Variants in FTO observed in about 807,000 individuals in gnomAD.
The protein encoded by FTO is alpha-ketoglutarate-dependent dioxygenase FTO.
FTO carries 47 observed loss-of-function variants against 63.9 expected under a neutral mutation model. That is an observed-to-expected ratio of 0.74 (90% CI 0.58 to 0.94). The LOEUF is 0.94. Ranked by LOEUF, FTO falls within the 40% of genes least tolerant of loss-of-function variation. The probability of loss-of-function intolerance (pLI) is 0.00; values close to 1 mark genes in which losing one functional copy is unlikely to be tolerated. For missense variants in FTO, 562 were observed against 618.1 expected (o/e 0.91, Z 0.96); for synonymous variants, 207 against 224.4 (o/e 0.92, Z 0.69).
intron 1 of FTO, among the ~76,000 whole-genome samples, chr16:53,766,510 TCTGCC>T (rs2077207211): frequency 6.6e-6 from 1 of 152,150 alleles, no homozygotes; most frequent in African/African-American, 2.4e-5. Flanking sequence ...GGTGTGAGCC[TCTGCC>T]CTGGCCTGAG....
intron 8 of FTO, among the ~76,000 whole-genome samples, chr16:53,945,602 G>C: frequency 6.6e-6 from 1 of 152,134 alleles, no homozygotes; most frequent in Non-Finnish European, 1.5e-5. Context: ...CTTTTTAGTT[G>C]TGGGTGCATC....
At chr16:53,971,970 C>A (rs1006323069) in intron 8 of FTO, among the ~76,000 whole-genome samples, 8 of 152,236 alleles carry the variant, frequency 5.3e-5, no homozygotes, top group African/African-American at 1.9e-4. Flanking sequence ...TTGCCTCCCC[C>A]CTTCCCTCCT....
At chr16:53,871,791 A>G (rs147318827) in intron 4 of FTO, among the ~76,000 whole-genome samples, 2,054 of 151,882 alleles carry the variant, frequency 0.014, 35 homozygotes, top group South Asian at 0.058. Flanking sequence ...CAATGGCGCA[A>G]TCTCGGCTCA....
intron 7 of FTO, among the ~76,000 whole-genome samples, chr16:53,925,838 T>C (rs1021689069): frequency 6.6e-6 from 1 of 152,326 alleles, no homozygotes; most frequent in South Asian, 2.1e-4. Flanking sequence ...TGAGTTTTAA[T>C]TGAATCCGTT....
intron 1 of FTO, among the ~76,000 whole-genome samples, chr16:53,780,303 A>C (rs1376467715): frequency 6.7e-6 from 1 of 150,278 alleles, no homozygotes; most frequent in Non-Finnish European, 1.5e-5. Flanking sequence ...TGCTTGGGAC[A>C]CTCTCTCCCC....
At chr16:53,867,583 T>C (rs557483466) in intron 4 of FTO, among the ~76,000 whole-genome samples, 15 of 151,944 alleles carry the variant, frequency 9.9e-5, no homozygotes, top group African/African-American at 2.9e-4. Context: ...AACATTCTCT[T>C]AAATTTGGTA....
chr16:53,960,248 C>T (rs2083039620), intron 8 of FTO, among the ~76,000 whole-genome samples: 1 of 152,090 alleles, frequency 6.6e-6, no homozygotes, highest in African/African-American at 2.4e-5. Context: ...TGAATCACAC[C>T]CTGCCAGGGG....
intron 8 of FTO, among the ~76,000 whole-genome samples, chr16:54,000,561 A>G (rs1275174792): frequency 6.6e-6 from 1 of 152,116 alleles, no homozygotes; most frequent in East Asian, 1.9e-4. Flanking sequence ...AAAGAGAGTA[A>G]CTCTGTTGTA....
At chr16:53,746,741 T>G (rs1465919637) in intron 1 of FTO, among the ~76,000 whole-genome samples, 1 of 152,186 alleles carries the variant, frequency 6.6e-6, no homozygotes, top group Non-Finnish European at 1.5e-5. Context: ...ATATATAATA[T>G]GTTATTATTT....
At chr16:53,937,904 T>C (rs1348060274) in intron 8 of FTO, 2 of 152,236 alleles carry the variant, frequency 1.3e-5, no homozygotes, top group African/African-American at 4.8e-5. Flanking sequence ...CCTTGTTTAT[T>C]TTCTACAAAG....
At chr16:53,923,475 C>A (rs2082056722) in intron 7 of FTO, among the ~76,000 whole-genome samples, 2 of 152,126 alleles carry the variant, frequency 1.3e-5, no homozygotes, top group Admixed American at 1.3e-4. Flanking sequence ...ATGTCTTTGG[C>A]AATTAATCAT....
intron 8 of FTO, chr16:53,937,336 C>T (rs2082413148): frequency 2.5e-6 from 1 of 398,382 alleles, no homozygotes; most frequent in African/African-American, 2.1e-5. Context: ...TGAAGATTCG[C>T]CTTTGTTTAT....
intron 1 of FTO, among the ~76,000 whole-genome samples, chr16:53,761,404 T>C (rs954833753): frequency 2.6e-5 from 4 of 152,144 alleles, no homozygotes; most frequent in Non-Finnish European, 5.9e-5. Context: ...ACCCAGTATA[T>C]TGTTTTAATT....
At chr16:54,073,143 G>A (rs1326582721) in intron 8 of FTO, among the ~76,000 whole-genome samples, 2 of 151,944 alleles carry the variant, frequency 1.3e-5, no homozygotes, top group African/African-American at 4.8e-5. Context: ...CCTCTCCTAC[G>A]TGTCCTGTTG....
chr16:53,913,741 G>A (rs2081778477), intron 7 of FTO, among the ~76,000 whole-genome samples: 1 of 152,278 alleles, frequency 6.6e-6, no homozygotes, highest in South Asian at 2.1e-4. Context: ...CACTTTGGGA[G>A]TCTGAGGTGG....
At chr16:54,020,260 A>T (rs1249545732) in intron 8 of FTO, among the ~76,000 whole-genome samples, 1 of 152,182 alleles carries the variant, frequency 6.6e-6, no homozygotes, top group Non-Finnish European at 1.5e-5. Flanking sequence ...ATGATTTATA[A>T]ATATTATTTG....
chr16:54,081,390 A>T (rs1428793380), intron 8 of FTO, among the ~76,000 whole-genome samples: 1 of 152,158 alleles, frequency 6.6e-6, no homozygotes, highest in Non-Finnish European at 1.5e-5. Flanking sequence ...TGATTAGCTA[A>T]ACTAGCCATG....
chr16:53,812,271 A>ATT (rs372641280), intron 2 of FTO, among the ~76,000 whole-genome samples: 4 of 140,936 alleles, frequency 2.8e-5, no homozygotes, highest in Non-Finnish European at 3.1e-5. Flanking sequence ...ATCTCACTTA[A>ATT]TTTTTTTTTT....
intron 8 of FTO, among the ~76,000 whole-genome samples, chr16:53,934,607 A>G (rs992940564): frequency 1.3e-5 from 2 of 152,178 alleles, no homozygotes; most frequent in East Asian, 3.9e-4. Context: ...CCTTGATGAC[A>G]TAGCCTACTA....
Sources: gnomAD v4.1 joint callset for allele counts (sites outside exome capture counted in the v4.1 genomes callset) on GRCh38, gnomAD v4.1.1 for gene constraint, MANE v1.5 for transcripts, NCBI Gene and HGNC (gene_info 2026-07-23, HGNC 2026-07-21) for gene names.